The following PLCB1 variants were observed in gnomAD, a reference collection of about 807,000 sequenced individuals.
PLCB1 encodes the protein phospholipase C beta 1.
PLCB1 carries 46 observed loss-of-function variants against 161.8 expected under a neutral mutation model. That is an observed-to-expected ratio of 0.28 (90% CI 0.22 to 0.36). PLCB1 has a LOEUF of 0.36. PLCB1 is among the 10% of genes least tolerant of loss of function. The pLI, the probability that PLCB1 is intolerant of heterozygous loss-of-function variation, is 1.00. For synonymous variants in PLCB1, 517 were observed against 503.7 expected (o/e 1.03, Z -0.35); for missense variants, 1,016 against 1,472.5 (o/e 0.69, Z 5.07).
intron 3 of PLCB1, among the ~76,000 whole-genome samples, chr20:8,414,006 A>G (rs1979160372): frequency 1.3e-5 from 2 of 152,194 alleles, no homozygotes; most frequent in African/African-American, 2.4e-5. Context: ...TGAAACTCTA[A>G]CAGATTAACT....
intron 2 of PLCB1, among the ~76,000 whole-genome samples, chr20:8,337,734 A>G (rs922529574): frequency 6.6e-6 from 1 of 152,238 alleles, no homozygotes; most frequent in African/African-American, 2.4e-5. Flanking sequence ...GCAAAGTTAC[A>G]CCAGGGTTTT....
intron 31 of PLCB1, among the ~76,000 whole-genome samples, chr20:8,798,005 C>T (rs1984109559): frequency 6.6e-6 from 1 of 152,084 alleles, no homozygotes; most frequent in Non-Finnish European, 1.5e-5. Flanking sequence ...ACCAGCCTCG[C>T]CAACATGGTG....
chr20:8,787,839 A>G (rs1274127422), intron 27 of PLCB1, among the ~76,000 whole-genome samples: 1 of 152,242 alleles, frequency 6.6e-6, no homozygotes. Flanking sequence ...GAAAGCACAA[A>G]GAGAATTTCT....
At chr20:8,160,681 CG>C (rs2051613433) in intron 2 of PLCB1, among the ~76,000 whole-genome samples, 1 of 152,092 alleles carries the variant, frequency 6.6e-6, no homozygotes, top group Non-Finnish European at 1.5e-5. Flanking sequence ...TCCTACAACA[CG>C]GGGGAATTCA....
chr20:8,525,709 C>T (rs1440128029), intron 3 of PLCB1, among the ~76,000 whole-genome samples: 1 of 151,568 alleles, frequency 6.6e-6, no homozygotes, highest in Non-Finnish European at 1.5e-5. Flanking sequence ...CAACTTTGTG[C>T]AGTCTCTTAA....
intron 23 of PLCB1, among the ~76,000 whole-genome samples, chr20:8,755,218 A>G (rs1981679029): frequency 6.6e-6 from 1 of 152,158 alleles, no homozygotes; most frequent in Non-Finnish European, 1.5e-5. Flanking sequence ...TGGTTTAAAG[A>G]TGATTTGGGA....
intron 31 of PLCB1, among the ~76,000 whole-genome samples, chr20:8,835,080 C>A (rs6118347): frequency 0.28 from 42,472 of 151,982 alleles, 6,205 homozygotes; most frequent in Middle Eastern, 0.41. Flanking sequence ...CAAATATCTG[C>A]GCACTCTGTG....
chr20:8,261,829 A>C (rs1981713000), intron 2 of PLCB1, among the ~76,000 whole-genome samples: 3 of 152,194 alleles, frequency 2.0e-5, no homozygotes, highest in African/African-American at 7.2e-5. Context: ...TAAGCATTGT[A>C]TTTAGTATTG....
In PLCB1 at chr20:8,646,196, T is replaced by C. The variant is rs756934220; in HGVS notation, c.464+15T>C. 1.3e-5 allele frequency: 20 copies of C among 1,564,020 alleles called. 1 individual carries two copies. Among genetic ancestry groups the C allele is most frequent in the South Asian group, 1.2e-4 (11 of 90,078 alleles). On this transcript the variant is annotated intron_variant, in intron 5 of 31. Transcript: ENST00000338037. The stretch of plus-strand genomic sequence containing the variant: ...CTGGAAAAAGCGTAAGTCACTCTAA[T>C]TTTATTGCTAAGGGCGTTGCTTCTT...
chr20:8,681,119 T>TATATATATATAAAA (rs1485697576), intron 9 of PLCB1, among the ~76,000 whole-genome samples: 7 of 82,094 alleles, frequency 8.5e-5, no homozygotes, highest in Non-Finnish European at 1.1e-4. Context: ...TATATATATA[T>TATATATATATAAAA]AATATATATA....
chr20:8,142,162 G>A lies in PLCB1; in HGVS notation c.100-8132G>A, dbSNP rs577293647. The stretch of plus-strand genomic sequence containing the variant: ...CACTGGGAGGTGCTGATGCTCAGGG[G>A]ATATTTGTGGAATGAAGGAACTGTC... On this transcript the variant is annotated intron_variant, in intron 1 of 31. Coordinates refer to ENST00000338037, the MANE Select transcript of PLCB1 (RefSeq NM_015192.4). Among the ~76,000 whole-genome samples the A allele has an allele frequency of 1.9e-4, 29 of 152,294 alleles. No individual in the cohort carries two copies. In the South Asian group the frequency reaches 6.0e-3, roughly 32 times the overall value.
chr20:8,473,676 C>T (rs1244768978), intron 3 of PLCB1, among the ~76,000 whole-genome samples: 2 of 152,174 alleles, frequency 1.3e-5, no homozygotes, highest in Admixed American at 6.5e-5. Context: ...CTGGCCTCTT[C>T]TCCAAAATAG....
chr20:8,656,528 C>T (rs950167117), intron 7 of PLCB1, among the ~76,000 whole-genome samples: 1 of 151,844 alleles, frequency 6.6e-6, no homozygotes. Flanking sequence ...GCAGCCCAAC[C>T]AAACAGAAAA....
chr20:8,525,705 T>A (rs748391362), intron 3 of PLCB1, among the ~76,000 whole-genome samples: 1 of 152,088 alleles, frequency 6.6e-6, no homozygotes, highest in Admixed American at 6.6e-5. Flanking sequence ...AAATCAACTT[T>A]GTGCAGTCTC....
chr20:8,395,201 G>A (rs547073412), intron 3 of PLCB1, among the ~76,000 whole-genome samples: 2 of 152,086 alleles, frequency 1.3e-5, no homozygotes, highest in Admixed American at 6.5e-5. Context: ...AACACCTATT[G>A]ACTTTATTAT....
At chr20:8,278,301 A>AATATATATTTATATATTTATATAT (rs1982688250) in intron 2 of PLCB1, among the ~76,000 whole-genome samples, 9 of 142,476 alleles carry the variant, frequency 6.3e-5, no homozygotes, top group Non-Finnish European at 1.4e-4. Flanking sequence ...ATAATATATA[A>AATATATATTTATATATTTATATAT]AAATATATAT....
At chr20:8,471,180 C>A (rs1982036833) in intron 3 of PLCB1, among the ~76,000 whole-genome samples, 1 of 152,042 alleles carries the variant, frequency 6.6e-6, no homozygotes, top group African/African-American at 2.4e-5. Context: ...GGTTTTATAT[C>A]AAAAAGGGGT....
In PLCB1 at chr20:8,136,604, C is replaced by A. The variant is rs190346552; in HGVS notation, c.99+3854C>A. On this transcript the variant is annotated intron_variant, in intron 1 of 31. Coordinates refer to ENST00000338037, the MANE Select transcript of PLCB1 (RefSeq NM_015192.4). ...TCGCGCCACTGCACTCCAGCCTGGG[C>A]GACAGAGCAAGACTCTGTCTCAAAA... Among the ~76,000 whole-genome samples the A allele has an allele frequency of 7.3e-3, 1,069 of 145,872 alleles. 15 individuals carry two copies. The highest frequency in any genetic ancestry group is 0.026 in the African/African-American group (1,007 of 38,738).
At chr20:8,580,604 C>T (rs934949564) in intron 3 of PLCB1, among the ~76,000 whole-genome samples, 1 of 152,190 alleles carries the variant, frequency 6.6e-6, no homozygotes, top group Non-Finnish European at 1.5e-5. Context: ...AAATAGAAGG[C>T]AATGTGAACT....
Sources: allele counts gnomAD v4.1 joint callset (sites outside exome capture counted in the v4.1 genomes callset), GRCh38; gene constraint gnomAD v4.1.1; transcripts MANE v1.5; gene names NCBI Gene and HGNC (gene_info 2026-07-23, HGNC 2026-07-21).